FAM171A1: variants seen among roughly 807,000 people sequenced by gnomAD.
FAM171A1 encodes the protein family with sequence similarity 171 member A1.
In FAM171A1, 23 loss-of-function variants were observed where a neutral mutation model predicts 74.9. The ratio of observed to expected loss-of-function variants is 0.31; its 90% CI spans 0.22 to 0.44. The LOEUF (loss-of-function observed/expected upper bound fraction) is 0.44, where lower values mean the gene tolerates loss of function less well. Among genes scored for constraint, FAM171A1 ranks in the 20% least tolerant of loss-of-function variants. The pLI is 1.00. For missense variants in FAM171A1, 1,162 were observed against 1,159.2 expected, an observed-to-expected ratio of 1.00 and a Z score of -0.03; for synonymous variants, 527 against 505.7, an observed-to-expected ratio of 1.04 and a Z score of -0.57.
At position 15,212,729 on chromosome 10, in the gene FAM171A1, C is replaced by A. The variant is rs531673635; in HGVS notation, c.*186G>T. 2 of 858,450 alleles carry A rather than the reference C, an allele frequency of 2.3e-6. No individual in the cohort carries two copies. Among genetic ancestry groups the A allele is most frequent in the African/African-American group, 3.4e-5 (2 of 59,026 alleles). 53.2% of individuals were successfully genotyped at this position (858,450 alleles called of 1,614,324 possible). A position where few individuals can be genotyped will look rare whatever the true frequency, so the allele number is the denominator to read the frequency against. ...CAGGGGCGACATCCGCCAAAGTCAT[C>A]CTTTATTCCGAGTAATAACTTTAAT... On this transcript the variant is annotated 3_prime_UTR_variant, in exon 8 of 8. Coordinates refer to ENST00000378116, the MANE Select transcript of FAM171A1 (RefSeq NM_001010924.2).
intron 6 of FAM171A1, among the ~76,000 whole-genome samples, chr10:15,219,916 G>A (rs753113154): frequency 2.8e-4 from 42 of 152,216 alleles, no homozygotes; most frequent in Admixed American, 5.2e-4. Context: ...GATGTGAAGT[G>A]TAAATTTTCT....
chr10:15,247,327 G>A (rs554197858), intron 5 of FAM171A1, among the ~76,000 whole-genome samples: 2 of 152,192 alleles, frequency 1.3e-5, no homozygotes, highest in South Asian at 4.2e-4. Context: ...GCAGTGGCTC[G>A]ATCATAGCGA....
In FAM171A1 at chr10:15,213,644, C is replaced by A. The variant is rs890153397; in HGVS notation, c.1944G>T (p.Leu648=). The part of the protein sequence containing the change: ...LSSQAISQQH[L]QDAGTREWSP... The stretch of plus-strand genomic sequence containing the variant: ...TCCACTCCCGGGTGCCCGCATCCTG[C>A]AGGTGCTGCTGAGAGATGGCCTGGG... Residue 648 remains leucine (L), a synonymous_variant, in exon 8 of 8, where the codon CTG becomes CTT. Coordinates refer to ENST00000378116, the MANE Select transcript of FAM171A1 (RefSeq NM_001010924.2). This position sits in a 1 kb window ranked among gnomAD's most constrained non-coding sequence, Gnocchi z 6.8. 5 of 1,613,932 alleles carry A rather than the reference C, an allele frequency of 3.1e-6. No individual in the cohort carries two copies. In the African/African-American group the frequency reaches 6.7e-5, roughly 22 times the overall value.
intron 1 of FAM171A1, among the ~76,000 whole-genome samples, chr10:15,303,181 C>T (rs997588941): frequency 2.0e-5 from 3 of 151,798 alleles, no homozygotes; most frequent in Non-Finnish European, 2.9e-5. Context: ...AAAAGCAAAG[C>T]TCCATCTCAA....
intron 4 of FAM171A1, among the ~76,000 whole-genome samples, chr10:15,249,332 G>A (rs949601175): frequency 1.3e-5 from 2 of 152,130 alleles, no homozygotes; most frequent in African/African-American, 4.8e-5. Flanking sequence ...CTGACCTCAG[G>A]TGATCTGCCT....
Position 15,249,098 on chromosome 10 carries a change from CTTTTTT to C in FAM171A1, c.578-289_578-284del, listed in dbSNP as rs71390024. Among the ~76,000 whole-genome samples, 1,133 of 133,884 alleles carry C rather than the reference CTTTTTT, an allele frequency of 8.5e-3. 20 individuals are homozygous for C. The highest frequency in any genetic ancestry group is 0.03 in the African/African-American group (1,091 of 36,064). 87.8% of individuals were successfully genotyped at this position (133,884 alleles called of 152,430 possible). On this transcript the variant is annotated intron_variant, in intron 4 of 7. Coordinates refer to ENST00000378116, the MANE Select transcript of FAM171A1 (RefSeq NM_001010924.2). The stretch of plus-strand genomic sequence containing the variant: ...AATCTAGGCTCAGGTTTTCTTTTTT[CTTTTTT>C]TTTTTTTTTTGAGATGAAGTCTCAT...
chr10:15,296,757 C>T (rs1420958041), intron 1 of FAM171A1, among the ~76,000 whole-genome samples: 1 of 152,196 alleles, frequency 6.6e-6, no homozygotes, highest in African/African-American at 2.4e-5. Flanking sequence ...TTTTTTGAAA[C>T]ATGTTCCTTA....
chr10:15,344,185 T>G (rs1835795211), intron 1 of FAM171A1, among the ~76,000 whole-genome samples: 1 of 152,182 alleles, frequency 6.6e-6, no homozygotes, highest in South Asian at 2.1e-4. Context: ...CTAAAAGTGC[T>G]GAGATTTAAA....
rs906579424 is a variant in FAM171A1, at chr10:15,220,828, T to C, written c.871+116A>G. 1.2e-5 allele frequency: 9 copies of C among 773,642 alleles called. No individual in the cohort carries two copies. The African/African-American group carries it at 1.6e-4, about 14-fold the overall frequency. 47.9% of individuals were successfully genotyped at this position (773,642 alleles called of 1,614,324 possible). A position where few individuals can be genotyped will look rare whatever the true frequency, so the allele number is the denominator to read the frequency against. On this transcript the variant is annotated intron_variant, in intron 6 of 7. Coordinates refer to ENST00000378116, the MANE Select transcript of FAM171A1 (RefSeq NM_001010924.2). ...CATCTCATTTTCAGACTTTTAACCA[T>C]TTTTGAATAAGATGTGATCGCCCTG...
At chr10:15,217,498 G>C (rs1239848833) in intron 6 of FAM171A1, among the ~76,000 whole-genome samples, 2 of 152,146 alleles carry the variant, frequency 1.3e-5, no homozygotes, top group African/African-American at 2.4e-5. Flanking sequence ...TTTGAAAACA[G>C]TGATGTTACT....
intron 1 of FAM171A1, among the ~76,000 whole-genome samples, chr10:15,337,452 TA>T (rs1177756975): frequency 6.6e-6 from 1 of 152,180 alleles, no homozygotes; most frequent in Admixed American, 6.5e-5. Context: ...TAATAAGCAG[TA>T]GGGGCCGGGT....
intron 1 of FAM171A1, among the ~76,000 whole-genome samples, chr10:15,363,291 A>G (rs1836018667): frequency 6.6e-6 from 1 of 152,252 alleles, no homozygotes; most frequent in Non-Finnish European, 1.5e-5. Flanking sequence ...AATGTGAATT[A>G]AATGGTGCTT....
intron 5 of FAM171A1, among the ~76,000 whole-genome samples, chr10:15,243,895 C>T (rs1042237085): frequency 2.0e-4 from 31 of 152,250 alleles, no homozygotes; most frequent in African/African-American, 6.5e-4. Context: ...GGACTACAGG[C>T]GCCCGCCACC....
At chr10:15,319,653 G>A (rs1835463612) in intron 1 of FAM171A1, among the ~76,000 whole-genome samples, 1 of 152,068 alleles carries the variant, frequency 6.6e-6, no homozygotes, top group African/African-American at 2.4e-5. Context: ...GGCTGGTCTC[G>A]AACTCCTGAC....
intron 3 of FAM171A1, 47 bp from the exon 4 acceptor site, chr10:15,254,926 T>G: frequency 6.3e-7 from 1 of 1,580,752 alleles, no homozygotes. Flanking sequence ...GCAGTTTCTG[T>G]TTTTAGAAAA....
chr10:15,349,352 G>A lies in FAM171A1; in HGVS notation c.97+21604C>T, dbSNP rs541584711. ...AACTGTGAACTCAGGAAGGGCGAGG[G>A]CCATGCATGTAACTCGAGTAGGAGG... On this transcript the variant is annotated intron_variant, in intron 1 of 7. Transcript: ENST00000378116. Among the ~76,000 whole-genome samples the A allele has an allele frequency of 3.9e-5, 6 of 152,320 alleles. No individual in the cohort carries two copies. The East Asian group carries it at 1.2e-3, about 29-fold the overall frequency.
chr10:15,279,941 G>A (rs1336285383), intron 2 of FAM171A1, among the ~76,000 whole-genome samples: 1 of 151,964 alleles, frequency 6.6e-6, no homozygotes, highest in Non-Finnish European at 1.5e-5. Context: ...CCACAAATTA[G>A]CTGAGTGTGG....
intron 1 of FAM171A1, among the ~76,000 whole-genome samples, chr10:15,318,797 C>T (rs1210480831): frequency 6.6e-6 from 1 of 152,146 alleles, no homozygotes; most frequent in Non-Finnish European, 1.5e-5. Context: ...GATGGGGAGA[C>T]CCTCACTATT....
chr10:15,365,975 A>C (rs1836056445), intron 1 of FAM171A1, among the ~76,000 whole-genome samples: 1 of 152,166 alleles, frequency 6.6e-6, no homozygotes, highest in Non-Finnish European at 1.5e-5. Flanking sequence ...TAGTTGCCTC[A>C]AATTTTGCCT....
Sources: allele counts gnomAD v4.1 joint callset (sites outside exome capture counted in the v4.1 genomes callset), GRCh38; gene constraint gnomAD v4.1.1; non-coding constraint Gnocchi (gnomAD v3.1); transcripts MANE v1.5; gene names NCBI Gene and HGNC (gene_info 2026-07-23, HGNC 2026-07-21).